Variants in DNMT3B observed in about 807,000 individuals in gnomAD.
The protein encoded by DNMT3B is DNA (cytosine-5)-methyltransferase 3B.
In DNMT3B, 37 loss-of-function variants were observed where a neutral mutation model predicts 120.2. The ratio of observed to expected loss-of-function variants is 0.31; its 90% CI spans 0.24 to 0.40. The LOEUF is 0.40. Among genes scored for constraint, DNMT3B ranks in the 10% least tolerant of loss-of-function variants. The pLI, the probability that DNMT3B is intolerant of heterozygous loss-of-function variation, is 1.00. For missense variants in DNMT3B, 878 were observed against 1,137.3 expected (o/e 0.77, Z 3.28); for synonymous variants, 412 against 442.8 (o/e 0.93, Z 0.87).
intron 3 of DNMT3B, among the ~76,000 whole-genome samples, chr20:32,783,195 G>T (rs1331407125): frequency 2.0e-5 from 3 of 152,104 alleles, no homozygotes; most frequent in Non-Finnish European, 4.4e-5. Context: ...CCAAAGTGCT[G>T]GGATTACAAG....
chr20:32,762,616 G>A lies in DNMT3B; in HGVS notation c.-90G>A. On this transcript the variant is annotated 5_prime_UTR_variant, in exon 1 of 23. Coordinates refer to ENST00000328111, the MANE Select transcript of DNMT3B (RefSeq NM_006892.4). The stretch of plus-strand genomic sequence containing the variant: ...CGGAGATTCGCGAGCCCAGCGCCCT[G>A]CACGGCCGCCAGCCGGCCTCCCGCC... The A allele has an allele frequency of 1.0e-5, 3 of 292,506 alleles. No homozygotes were observed. The highest frequency in any genetic ancestry group is 5.4e-5 in the South Asian group (2 of 37,208). The allele number at this position is 292,506 out of a possible 1,614,324, so 18.1% of individuals were successfully genotyped here. A position where few individuals can be genotyped will look rare whatever the true frequency, so the allele number is the denominator to read the frequency against.
chr20:32,807,128 T>TA (rs1237001734), intron 22 of DNMT3B, among the ~76,000 whole-genome samples: 28 of 152,344 alleles, frequency 1.8e-4, no homozygotes, highest in African/African-American at 6.5e-4. Flanking sequence ...AGGCCTGAGG[T>TA]ATCACATCTT....
In DNMT3B at chr20:32,797,172, C is replaced by T; in HGVS notation, c.1378-15C>T. 5 of 1,612,822 alleles carry T rather than the reference C, an allele frequency of 3.1e-6. No homozygotes were observed. The highest frequency in any genetic ancestry group is 4.2e-6 in the Non-Finnish European group (5 of 1,180,048). ...CTGGTCTCCGATTTCACTGGTGTTTCTCTCTGGCTGCCAGGATCGCTTCCT... is the reference window on the plus strand; with the variant it reads ...CTGGTCTCCGATTTCACTGGTGTTTTTCTCTGGCTGCCAGGATCGCTTCCT... On this transcript the variant is annotated splice_polypyrimidine_tract_variant and intron_variant, in intron 13 of 22. Transcript: ENST00000328111.
At chr20:32,777,527 C>T (rs1988127003) in intron 1 of DNMT3B, among the ~76,000 whole-genome samples, 1 of 152,174 alleles carries the variant, frequency 6.6e-6, no homozygotes, top group Non-Finnish European at 1.5e-5. Flanking sequence ...CACTCCAGGC[C>T]TCTGGTCTGC....
At chr20:32,763,008 C>T (rs947039680) in intron 1 of DNMT3B, among the ~76,000 whole-genome samples, 4 of 152,028 alleles carry the variant, frequency 2.6e-5, no homozygotes, top group Non-Finnish European at 4.4e-5. Flanking sequence ...GAAGCTTGCT[C>T]GCAGGGAGGG....
chr20:32,765,465 G>A (rs2145833724), intron 1 of DNMT3B, among the ~76,000 whole-genome samples: 1 of 146,424 alleles, frequency 6.8e-6, no homozygotes, highest in East Asian at 2.0e-4. Context: ...TTGTCACCCA[G>A]GCTGGAGTGC....
Position 32,798,583 on chromosome 20 carries a change from C to G in DNMT3B, c.1614C>G (p.Arg538=), listed in dbSNP as rs1398931353. The G allele has an allele frequency of 3.1e-6, 5 of 1,614,106 alleles. No homozygotes were observed. The highest frequency in any genetic ancestry group is 4.2e-6 in the Non-Finnish European group (5 of 1,180,062). The change falls in exon 15 of 23, where the codon CGC becomes CGG. Residue 538 remains arginine, a synonymous_variant. Transcript: ENST00000328111. ...AGCGCTGTCATGGCGTCCTGCGGCG[C>G]CGGAAGGACTGGAACGTGCGCCTGC... ...LPQRCHGVLR[R]RKDWNVRLQA...
At chr20:32,765,426 CT>C (rs1332563220) in intron 1 of DNMT3B, among the ~76,000 whole-genome samples, 98 of 90,224 alleles carry the variant, frequency 1.1e-3, no homozygotes, top group Non-Finnish European at 1.5e-3. Flanking sequence ...TTTTTTCTTT[CT>C]TTTTTTTTTT....
chr20:32,796,429 T>C (rs1980629697), intron 12 of DNMT3B, among the ~76,000 whole-genome samples: 1 of 152,222 alleles, frequency 6.6e-6, no homozygotes, highest in South Asian at 2.1e-4. Flanking sequence ...GGTGTGGGCA[T>C]GGGCAAGTCC....
At position 32,786,584 on chromosome 20, in the gene DNMT3B, G is replaced by A. The variant is rs773207465; in HGVS notation, c.389G>A (p.Arg130His). The part of the protein sequence containing the change: ...SPRSTRGRQG[R>H]NHVDESPVEF... ...CGTTCCACCCGAGGCCGGCAGGGCC[G>A]CAACCATGTGGACGAGTCCCCCGTG... Residue 130 changes from arginine (R) to histidine (H), a missense_variant, in exon 5 of 23, where the codon CGC becomes CAC. Arg to His is a conservative substitution (Grantham distance 29, BLOSUM62 0). This residue lies in a region of DNMT3B where 287 missense variants were observed against 306.2 expected (regional missense o/e 0.94). Coordinates refer to ENST00000328111, the MANE Select transcript of DNMT3B (RefSeq NM_006892.4). 4.4e-5 allele frequency: 71 copies of A among 1,613,756 alleles called. No individual in the cohort carries two copies. Among genetic ancestry groups the A allele is most frequent in the South Asian group, 1.4e-4 (13 of 91,092 alleles).
At chr20:32,765,015 A>T (rs1987220194) in intron 1 of DNMT3B, among the ~76,000 whole-genome samples, 2 of 152,130 alleles carry the variant, frequency 1.3e-5, no homozygotes, top group Non-Finnish European at 2.9e-5. Context: ...TTACCTTGGG[A>T]TTCCTTTTCC....
chr20:32,800,961 C>G (rs762143848), intron 18 of DNMT3B, 36 bp downstream of exon 18: 2 of 1,609,408 alleles, frequency 1.2e-6, no homozygotes, highest in African/African-American at 2.7e-5. Context: ...CCTGGAGAGC[C>G]TATGTCACCT....
At chr20:32,779,319 G>A (rs187976396) in intron 1 of DNMT3B, among the ~76,000 whole-genome samples, 68 of 152,298 alleles carry the variant, frequency 4.5e-4, no homozygotes, top group African/African-American at 1.4e-3. Flanking sequence ...ATCTAATCCT[G>A]GCCCTACCTC....
intron 13 of DNMT3B, 60 bp from the exon 14 acceptor site, chr20:32,797,127 C>T (rs1980723667): frequency 6.2e-7 from 1 of 1,607,532 alleles, no homozygotes; most frequent in South Asian, 1.1e-5. Context: ...CACCAGCAAG[C>T]CGGCAGGGCC....
intron 9 of DNMT3B, among the ~76,000 whole-genome samples, chr20:32,793,041 T>C (rs1273565937): frequency 6.6e-6 from 1 of 152,262 alleles, no homozygotes; most frequent in Non-Finnish European, 1.5e-5. Flanking sequence ...GACTAGCACC[T>C]TTTTTATTAA....
chr20:32,778,471 A>G (rs1036723680), intron 1 of DNMT3B, among the ~76,000 whole-genome samples: 23 of 152,120 alleles, frequency 1.5e-4, no homozygotes, highest in African/African-American at 5.3e-4. Flanking sequence ...CTCTCAGTTC[A>G]TGGTACTGTA....
intron 17 of DNMT3B, 109 bp downstream of exon 17, chr20:32,800,407 G>T: frequency 6.7e-7 from 1 of 1,490,620 alleles, no homozygotes; most frequent in Admixed American, 1.8e-5. Flanking sequence ...CCAGAAAAAA[G>T]GATTGAAATC....
rs1011825272 is a variant in DNMT3B, at chr20:32,808,531, A to G, written c.*628A>G. 1 of 231,452 alleles carries G rather than the reference A, an allele frequency of 4.3e-6. No homozygotes were observed. Among genetic ancestry groups the G allele is most frequent in the Non-Finnish European group, 8.6e-6 (1 of 116,958 alleles). 14.3% of individuals were successfully genotyped at this position (231,452 alleles called of 1,614,324 possible). A position where few individuals can be genotyped will look rare whatever the true frequency, so the allele number is the denominator to read the frequency against. On this transcript the variant is annotated 3_prime_UTR_variant, in exon 23 of 23. Coordinates refer to ENST00000328111, the MANE Select transcript of DNMT3B (RefSeq NM_006892.4). ...GGGACCTATTAGAGTATTTTCCACA[A>G]TGATGATGATTTCAGCAGGGATGAC...
intron 16 of DNMT3B, among the ~76,000 whole-genome samples, 152 bp from the exon 17 acceptor site, chr20:32,799,981 TATATGGAGTTTACACAGCCA>T (rs1191860212): frequency 6.6e-6 from 1 of 152,276 alleles, no homozygotes; most frequent in African/African-American, 2.4e-5. Context: ...CTTTTCCTCC[TATATGGAGTTTACACAGCCA>T]ATATGTGTGG....
Sources: allele counts gnomAD v4.1 joint callset (sites outside exome capture counted in the v4.1 genomes callset), GRCh38; gene constraint gnomAD v4.1.1; regional missense constraint gnomAD v4.1.1; transcripts MANE v1.5; gene names NCBI Gene and HGNC (gene_info 2026-07-23, HGNC 2026-07-21).